Variants in ABR observed in about 807,000 individuals in gnomAD.
ABR encodes ABR activator of RhoGEF and GTPase, also known as active breakpoint cluster region-related protein.
A neutral mutation model predicts 107.2 loss-of-function variants in ABR; 35 were observed. The observed-to-expected ratio is 0.33, with a 90% CI of 0.25 to 0.43. ABR has a LOEUF of 0.43. Ranked by LOEUF, ABR falls within the 20% of genes least tolerant of loss-of-function variation. ABR has a pLI of 1.00. For synonymous variants in ABR, 498 were observed against 462.0 expected (o/e 1.08, Z -1.00); for missense variants, 815 against 1,115.2 (o/e 0.73, Z 3.83).
intron 1 of ABR, among the ~76,000 whole-genome samples, chr17:1,168,200 C>T (rs2041587235): frequency 6.6e-6 from 1 of 152,160 alleles, no homozygotes; most frequent in African/African-American, 2.4e-5. Flanking sequence ...GCAGGAGAAT[C>T]ACTGGAACCC....
intron 16 of ABR, among the ~76,000 whole-genome samples, chr17:1,042,517 GGATGGATA>G (rs2030767431): frequency 1.1e-4 from 8 of 70,124 alleles, no homozygotes; most frequent in South Asian, 8.3e-4. Flanking sequence ...ATCCACGGAC[GGATGGATA>G]AACAGATGTG....
At chr17:1,040,825 C>T (rs2030286616) in intron 16 of ABR, among the ~76,000 whole-genome samples, 2 of 152,244 alleles carry the variant, frequency 1.3e-5, no homozygotes, top group Non-Finnish European at 2.9e-5. Flanking sequence ...TCGCTCTGTT[C>T]TCCCAACTAA....
At chr17:1,194,250 C>G (rs975923897) in intron 1 of ABR, among the ~76,000 whole-genome samples, 1 of 151,696 alleles carries the variant, frequency 6.6e-6, no homozygotes. Context: ...TGCAATGGCA[C>G]GATCTTGGCT....
Position 1,037,760 on chromosome 17 carries a change from G to C in ABR, c.1791+12290C>G, listed in dbSNP as rs1031116716. ...TGAGGCCTGAAGGTGGGATGGGGTC[G>C]CCGAGCCTCCCTGCTCTTTCTTCAT... On this transcript the variant is annotated intron_variant, in intron 16 of 22. Transcript: ENST00000302538. The surrounding 1 kb of genome is among the most constrained non-coding windows in gnomAD (Gnocchi z 4.6). Among the ~76,000 whole-genome samples, 2 of 152,074 alleles carry C rather than the reference G, an allele frequency of 1.3e-5. No homozygotes were observed. Among genetic ancestry groups the C allele is most frequent in the Admixed American group, 6.5e-5 (1 of 15,280 alleles).
intron 16 of ABR, among the ~76,000 whole-genome samples, chr17:1,034,669 G>C (rs901950449): frequency 6.6e-6 from 1 of 152,020 alleles, no homozygotes; most frequent in Non-Finnish European, 1.5e-5. Context: ...TCCAGCAAAC[G>C]TGCAATGGCT....
chr17:1,040,863 C>T (rs2030297336), intron 16 of ABR, among the ~76,000 whole-genome samples: 1 of 152,246 alleles, frequency 6.6e-6, no homozygotes, highest in Non-Finnish European at 1.5e-5. Flanking sequence ...CTCAGCCCCG[C>T]AAGATCTGTC....
At chr17:1,100,616 C>T in intron 3 of ABR, 21 bp downstream of exon 3, 2 of 1,611,572 alleles carry the variant, frequency 1.2e-6, no homozygotes, top group South Asian at 2.2e-5. Flanking sequence ...CGGAAGGCCC[C>T]AGAGCAGGGA....
At position 1,048,030 on chromosome 17, in the gene ABR, G is replaced by A. The variant is rs553618171; in HGVS notation, c.1791+2020C>T. Among the ~76,000 whole-genome samples, 414 of 152,276 alleles carry A rather than the reference G, an allele frequency of 2.7e-3. 3 individuals are homozygous for A. The highest frequency in any genetic ancestry group is 4.4e-3 in the Non-Finnish European group (298 of 68,006). ...GCGACCACTCGTCTCTTGCCTGGGCGTCTCCTGGGGCTGCACAGGCCAGCC... is the reference window on the plus strand; with the variant it reads ...GCGACCACTCGTCTCTTGCCTGGGCATCTCCTGGGGCTGCACAGGCCAGCC... On this transcript the variant is annotated intron_variant, in intron 16 of 22. Transcript: ENST00000302538.
chr17:1,198,949 G>T (rs2042621051), intron 1 of ABR, among the ~76,000 whole-genome samples: 1 of 149,362 alleles, frequency 6.7e-6, no homozygotes, highest in African/African-American at 2.5e-5. Context: ...AGCTACTTGG[G>T]AGGCTGAGGT....
chr17:1,016,042 G>C (rs981141832), intron 16 of ABR, among the ~76,000 whole-genome samples: 7 of 152,146 alleles, frequency 4.6e-5, no homozygotes, highest in Non-Finnish European at 1.0e-4. Context: ...AGAAATATGT[G>C]AACAATGAAA....
At chr17:1,083,364 G>T (rs1022655107) in intron 5 of ABR, 156 bp downstream of exon 5, 2 of 414,648 alleles carry the variant, frequency 4.8e-6, no homozygotes, top group Non-Finnish European at 8.9e-6. Context: ...TATTAAGAGG[G>T]AAAATGTCAG....
intron 12 of ABR, 80 bp from the exon 13 acceptor site, chr17:1,057,182 G>A: frequency 1.1e-6 from 1 of 947,098 alleles, no homozygotes; most frequent in Non-Finnish European, 1.7e-6. Flanking sequence ...GGCTGCTGCA[G>A]GAAGACGGCT....
intron 1 of ABR, among the ~76,000 whole-genome samples, chr17:1,173,480 G>C (rs1413082974): frequency 1.3e-5 from 2 of 151,476 alleles, no homozygotes; most frequent in African/African-American, 2.4e-5. Flanking sequence ...AAGGGCTCAA[G>C]CTCAGCCAAA....
intron 10 of ABR, among the ~76,000 whole-genome samples, chr17:1,064,606 T>C (rs56393834): frequency 0.22 from 6,280 of 28,772 alleles, 2 homozygotes; most frequent in Middle Eastern, 0.25. Context: ...GAGGGCTATG[T>C]ATGTTCCTCT....
intron 1 of ABR, among the ~76,000 whole-genome samples, chr17:1,139,068 T>C (rs959497576): frequency 6.6e-6 from 1 of 152,188 alleles, no homozygotes; most frequent in African/African-American, 2.4e-5. Context: ...AACACAGTTA[T>C]GCTTAGGAAG....
intron 1 of ABR, among the ~76,000 whole-genome samples, chr17:1,221,259 T>C (rs914308477): frequency 1.3e-5 from 2 of 152,178 alleles, no homozygotes; most frequent in African/African-American, 4.8e-5. Flanking sequence ...ACTAAGGAGA[T>C]AAAAACAGAA....
rs71148443 is a variant in ABR, at chr17:1,196,128, CA to C, written c.838+32664del. ...TGAGCAACAGAGCGAGATTCTGTCT[CA>C]AAAAAAAAAAAAAAAATAGGCAAGG... On this transcript the variant is annotated intron_variant, in intron 1 of 22. Transcript: ENST00000574139. Among the ~76,000 whole-genome samples the C allele has an allele frequency of 3.2e-3, 401 of 123,782 alleles. 2 individuals are homozygous for C. Among genetic ancestry groups the C allele is most frequent in the Middle Eastern group, 0.017 (4 of 232 alleles). 81.2% of individuals were successfully genotyped at this position (123,782 alleles called of 152,430 possible).
intron 6 of ABR, among the ~76,000 whole-genome samples, chr17:1,077,630 C>A (rs1289654608): frequency 6.6e-6 from 1 of 152,160 alleles, no homozygotes; most frequent in African/African-American, 2.4e-5. Flanking sequence ...CCCTCCAGCA[C>A]AGCCGCCCCT....
intron 1 of ABR, chr17:1,155,097 G>C (rs1391323388): frequency 1.3e-5 from 2 of 152,142 alleles, no homozygotes; most frequent in African/African-American, 2.4e-5. Context: ...CCACTTGAGA[G>C]ATGGTGTTCA....
Sources: allele counts gnomAD v4.1 joint callset (sites outside exome capture counted in the v4.1 genomes callset), GRCh38; gene constraint gnomAD v4.1.1; non-coding constraint Gnocchi (gnomAD v3.1); transcripts MANE v1.5; gene names NCBI Gene and HGNC (gene_info 2026-07-23, HGNC 2026-07-21).